Variants in CAMK2B observed in about 807,000 individuals in gnomAD.
CAMK2B encodes the protein calcium/calmodulin dependent protein kinase II beta, also known as calcium/calmodulin-dependent protein kinase type II subunit beta.
In CAMK2B, 27 loss-of-function variants were observed where a neutral mutation model predicts 93.7. The observed-to-expected ratio is 0.29, with a 90% CI of 0.21 to 0.40. CAMK2B has a LOEUF of 0.40. Among genes scored for constraint, CAMK2B ranks in the 10% least tolerant of loss-of-function variants. The pLI is 1.00. For synonymous variants in CAMK2B, 374 were observed against 358.8 expected, an observed-to-expected ratio of 1.04 and a Z score of -0.48; for missense variants, 568 against 895.8, an observed-to-expected ratio of 0.63 and a Z score of 4.67.
chr7:44,250,773 C>T (rs1359447581), intron 5 of CAMK2B, among the ~76,000 whole-genome samples: 1 of 152,218 alleles, frequency 6.6e-6, no homozygotes, highest in East Asian at 1.9e-4. Flanking sequence ...TGTGATCCGC[C>T]CGCCTCGGCC....
intron 11 of CAMK2B, 73 bp from the exon 12 acceptor site, chr7:44,240,822 C>G: frequency 1.4e-6 from 2 of 1,473,930 alleles, no homozygotes; most frequent in Non-Finnish European, 9.4e-7. Context: ...AGGATAAGAC[C>G]CCTGTCCTCC....
chr7:44,220,520 G>A (rs2096386951), intron 22 of CAMK2B, 96 bp downstream of exon 22: 1 of 1,102,752 alleles, frequency 9.1e-7, no homozygotes. Context: ...AGGGGACAGG[G>A]CTTCCATAGG....
chr7:44,247,104 T>A lies in CAMK2B; in HGVS notation c.414+16A>T, dbSNP rs764172249. 6.9e-6 allele frequency: 11 copies of A among 1,604,642 alleles called. No homozygotes were observed. The highest frequency in any genetic ancestry group is 1.7e-5 in the Admixed American group (1 of 59,894). ...CAGACAACAGACACCTGGCACAGAGTGGGGTGGGGACTCACCTTGAGGTCT... is the reference window on the plus strand; with the variant it reads ...CAGACAACAGACACCTGGCACAGAGAGGGGTGGGGACTCACCTTGAGGTCT... On this transcript the variant is annotated intron_variant, in intron 6 of 23. Coordinates refer to ENST00000395749, the MANE Select transcript of CAMK2B (RefSeq NM_001220.5).
chr7:44,324,294 G>GGGACGGAGGAGGATGGGGGA (rs1231391480), intron 1 of CAMK2B, among the ~76,000 whole-genome samples: 2 of 152,282 alleles, frequency 1.3e-5, no homozygotes, highest in East Asian at 3.9e-4. Flanking sequence ...CTGCACTGAA[G>GGGACGGAGGAGGATGGGGGA]GGACGGAGGA....
intron 6 of CAMK2B, among the ~76,000 whole-genome samples, chr7:44,245,663 C>T (rs996501746): frequency 2.2e-4 from 33 of 152,270 alleles, no homozygotes; most frequent in African/African-American, 7.5e-4. Flanking sequence ...TGAGACAAAG[C>T]AGGACATGCT....
At chr7:44,238,740 A>G (rs1039636439) in intron 13 of CAMK2B, among the ~76,000 whole-genome samples, 1 of 152,174 alleles carries the variant, frequency 6.6e-6, no homozygotes, top group Non-Finnish European at 1.5e-5. Flanking sequence ...CAGCCCAGGG[A>G]GGATCTGGGG....
Position 44,228,725 on chromosome 7 carries a change from C to G in CAMK2B, c.1468+71G>C, listed in dbSNP as rs567290838. On this transcript the variant is annotated intron_variant, in intron 19 of 23. Coordinates refer to ENST00000395749, the MANE Select transcript of CAMK2B (RefSeq NM_001220.5). ...CTGGGCCGTGCATGCAGGTGGGAAG[C>G]TGCTGAGCGCCGGCCATTCGCAGGG... 31 of 1,370,484 alleles carry G rather than the reference C, an allele frequency of 2.3e-5. No homozygotes were observed. The African/African-American group carries it at 4.2e-4, about 18-fold the overall frequency. 84.9% of individuals were successfully genotyped at this position (1,370,484 alleles called of 1,614,324 possible). A position where few individuals can be genotyped will look rare whatever the true frequency, so the allele number is the denominator to read the frequency against.
rs1425615027 is a variant in CAMK2B at position 44,224,289 on chromosome 7, C to A, written c.1597+2227G>T. Among the ~76,000 whole-genome samples, 1 of 152,238 alleles carries A rather than the reference C, an allele frequency of 6.6e-6. No individual in the cohort carries two copies. The highest frequency in any genetic ancestry group is 6.5e-5 in the Admixed American group (1 of 15,288). ...ACCCAGCCCCCACTCTGCCTCCCCACATAGCACATGGGAGCTTTTGTGTCC... is the reference window on the plus strand; with the variant it reads ...ACCCAGCCCCCACTCTGCCTCCCCAAATAGCACATGGGAGCTTTTGTGTCC... On this transcript the variant is annotated intron_variant, in intron 20 of 23. Coordinates refer to ENST00000395749, the MANE Select transcript of CAMK2B (RefSeq NM_001220.5). This position sits in a 1 kb window ranked among gnomAD's most constrained non-coding sequence, Gnocchi z 4.4.
At chr7:44,321,722 T>C (rs1796131139) in intron 1 of CAMK2B, among the ~76,000 whole-genome samples, 1 of 152,086 alleles carries the variant, frequency 6.6e-6, no homozygotes, top group Non-Finnish European at 1.5e-5. Flanking sequence ...TCTAGGGAGA[T>C]CTCCATGTTT....
intron 1 of CAMK2B, among the ~76,000 whole-genome samples, chr7:44,293,655 C>T (rs1448332796): frequency 2.6e-5 from 4 of 152,166 alleles, no homozygotes; most frequent in Non-Finnish European, 5.9e-5. Context: ...TTAAGGAGCG[C>T]GCAACCTAGA....
At chr7:44,255,573 G>A (rs896946510) in intron 4 of CAMK2B, among the ~76,000 whole-genome samples, 1 of 152,066 alleles carries the variant, frequency 6.6e-6, no homozygotes, top group Admixed American at 6.5e-5. Flanking sequence ...CTCTGCCTCC[G>A]CACCCTCTTC....
At position 44,225,582 on chromosome 7, in the gene CAMK2B, G is replaced by A. The variant is rs1431940950; in HGVS notation, c.1597+934C>T. ...CAGGGGCTGCCCCCTGCTCTCTCGG[G>A]CACCCAGGGTGGATCCAGTGCCCCT... On this transcript the variant is annotated intron_variant, in intron 20 of 23. Transcript: ENST00000395749. The surrounding 1 kb of genome is among the most constrained non-coding windows in gnomAD (Gnocchi z 5.0). Among the ~76,000 whole-genome samples the A allele has an allele frequency of 6.6e-6, 1 of 151,984 alleles. No homozygotes were observed. The highest frequency in any genetic ancestry group is 1.9e-4 in the East Asian group (1 of 5,158).
intron 1 of CAMK2B, among the ~76,000 whole-genome samples, chr7:44,298,583 G>A (rs1319263317): frequency 6.6e-6 from 1 of 152,170 alleles, no homozygotes; most frequent in African/African-American, 2.4e-5. Context: ...ACACTATCAA[G>A]AGAATGAAAA....
intron 8 of CAMK2B, 137 bp downstream of exon 8, chr7:44,243,113 G>A (rs1221979034): frequency 3.0e-6 from 2 of 672,768 alleles, no homozygotes; most frequent in African/African-American, 1.8e-5. Flanking sequence ...CCCTGCCAGG[G>A]CAGCTCAAGG....
intron 4 of CAMK2B, among the ~76,000 whole-genome samples, chr7:44,258,406 C>G (rs778564488): frequency 6.6e-6 from 1 of 152,270 alleles, no homozygotes. Flanking sequence ...CGCGCCCCCA[C>G]GTGCAAACAC....
chr7:44,246,383 C>T (rs1240158198), intron 6 of CAMK2B, among the ~76,000 whole-genome samples: 2 of 152,110 alleles, frequency 1.3e-5, no homozygotes, highest in South Asian at 2.1e-4. Flanking sequence ...GGGCCATGTG[C>T]AGACACCCCT....
In CAMK2B at chr7:44,248,508, C is replaced by G. The variant is rs183432573; in HGVS notation, c.342-1316G>C. On this transcript the variant is annotated intron_variant, in intron 5 of 23. Transcript: ENST00000395749. This position sits in a 1 kb window ranked among gnomAD's most constrained non-coding sequence, Gnocchi z 4.1. ...TGGGCCTGGAGGCATTTGCCACAGG[C>G]TGCCGATGCCCACCTGCCTGGGGTC... Among the ~76,000 whole-genome samples the G allele has an allele frequency of 2.6e-5, 4 of 152,314 alleles. 1 individual carries two copies. The highest frequency in any genetic ancestry group is 9.6e-5 in the African/African-American group (4 of 41,572).
rs1264735269 is a variant in CAMK2B, at chr7:44,286,228, C to A, written c.66-2003G>T. On this transcript the variant is annotated intron_variant, in intron 1 of 23. Transcript: ENST00000395749. This position sits in a 1 kb window ranked among gnomAD's most constrained non-coding sequence, Gnocchi z 4.0. Reference sequence around the variant, plus strand: ...GAGGTAAGAGCTTCCCGAAACCAGTCCTGAGCTACCATCTGTCACGCTCTG... The same window carrying A: ...GAGGTAAGAGCTTCCCGAAACCAGTACTGAGCTACCATCTGTCACGCTCTG... 6.6e-6 allele frequency among the ~76,000 whole-genome samples: 1 copy of A among 152,064 alleles called. No homozygotes were observed. The highest frequency in any genetic ancestry group is 2.4e-5 in the African/African-American group (1 of 41,398).
chr7:44,315,322 A>T (rs1035538924), intron 1 of CAMK2B, among the ~76,000 whole-genome samples: 1 of 152,200 alleles, frequency 6.6e-6, no homozygotes, highest in East Asian at 1.9e-4. Flanking sequence ...CATTTGTTGA[A>T]TGGACCGTTA....
Sources: gnomAD v4.1 joint callset for allele counts (sites outside exome capture counted in the v4.1 genomes callset) on GRCh38, gnomAD v4.1.1 for gene constraint, Gnocchi (gnomAD v3.1) non-coding constraint, MANE v1.5 for transcripts, NCBI Gene and HGNC (gene_info 2026-07-23, HGNC 2026-07-21) for gene names.